Variants in KDM7A observed in about 807,000 individuals in gnomAD.
KDM7A encodes lysine demethylase 7A.
Under a neutral mutation model 114.8 loss-of-function variants are expected in KDM7A, and 28 were observed. The ratio of observed to expected loss-of-function variants is 0.24; its 90% confidence interval spans 0.18 to 0.33. The LOEUF (loss-of-function observed/expected upper bound fraction) is 0.33, where lower values mean the gene tolerates loss of function less well. KDM7A is among the 10% of genes least tolerant of loss of function. KDM7A has a pLI of 1.00. For synonymous variants in KDM7A, 423 were observed against 397.8 expected (o/e 1.06, Z -0.75); for missense variants, 942 against 1,142.5 (o/e 0.82, Z 2.53).
At position 140,088,014 on chromosome 7, in the gene KDM7A, A is replaced by C. The variant is rs1247497563; in HGVS notation, c.*3080T>G. ...TGGGCACACAGTAGATGTTTGATAA[A>C]TACCTGTTGATCCCATATAAATAAA... On this transcript the variant is annotated 3_prime_UTR_variant, in exon 20 of 20. Transcript: ENST00000397560. 1 of 152,148 alleles carries C rather than the reference A, an allele frequency of 6.6e-6. No individual in the cohort carries two copies. 9.4% of individuals were successfully genotyped at this position (152,148 alleles called of 1,614,324 possible).
At chr7:140,100,368 C>T (rs1818180669) in intron 12 of KDM7A, among the ~76,000 whole-genome samples, 1 of 152,082 alleles carries the variant, frequency 6.6e-6, no homozygotes, top group South Asian at 2.1e-4. Flanking sequence ...CTTGCTTCTT[C>T]CTGCTAAAGT....
intron 12 of KDM7A, 35 bp from the exon 13 acceptor site, chr7:140,100,058 A>C: frequency 6.2e-7 from 1 of 1,612,332 alleles, no homozygotes; most frequent in South Asian, 1.1e-5. Context: ...CTTACCATCC[A>C]CCCTCAGGTA....
At chr7:140,094,509 GAA>G (rs1286374125) in intron 17 of KDM7A, among the ~76,000 whole-genome samples, 1 of 145,776 alleles carries the variant, frequency 6.9e-6, no homozygotes, top group Non-Finnish European at 1.5e-5. Flanking sequence ...CATCTTGGGG[GAA>G]AAAAAAAAAA....
chr7:140,122,525 AT>A (rs1321258224), intron 7 of KDM7A, among the ~76,000 whole-genome samples: 52 of 152,214 alleles, frequency 3.4e-4, no homozygotes, highest in Non-Finnish European at 4.9e-4. Flanking sequence ...GCATGTCTTC[AT>A]TTATTCAACA....
intron 11 of KDM7A, among the ~76,000 whole-genome samples, chr7:140,102,589 T>C (rs896210757): frequency 5.9e-5 from 9 of 152,088 alleles, no homozygotes; most frequent in African/African-American, 2.2e-4. Flanking sequence ...CCCAGGCTGG[T>C]CTTGAACTCC....
At chr7:140,166,038 A>T (rs1405436853) in intron 1 of KDM7A, among the ~76,000 whole-genome samples, 3 of 152,158 alleles carry the variant, frequency 2.0e-5, no homozygotes, top group African/African-American at 7.2e-5. Context: ...TACTGTTGTT[A>T]ATCTCTTACT....
intron 1 of KDM7A, among the ~76,000 whole-genome samples, chr7:140,169,515 A>G: frequency 6.6e-6 from 1 of 151,928 alleles, no homozygotes; most frequent in East Asian, 1.9e-4. Flanking sequence ...TATACCCCAA[A>G]CTAATGGGGT....
intron 1 of KDM7A, among the ~76,000 whole-genome samples, chr7:140,142,747 T>C (rs1394250789): frequency 6.6e-6 from 1 of 152,162 alleles, no homozygotes; most frequent in Non-Finnish European, 1.5e-5. Context: ...GCAAATCCTC[T>C]TTTAGGTAAA....
rs761187862 is a variant in KDM7A, at chr7:140,133,533, C to T, written c.398+6G>A. 7 of 1,482,878 alleles carry T rather than the reference C, an allele frequency of 4.7e-6. No individual in the cohort carries two copies. The highest frequency in any genetic ancestry group is 5.6e-6 in the Non-Finnish European group (6 of 1,063,270). The allele number at this position is 1,482,878 out of a possible 1,614,324, so 91.9% of individuals were successfully genotyped here. ...CATTTTCTTTTATCAGAGTAAGTTT[C>T]CATACCTTGGGAAGACTCGAGAGCG... On this transcript the variant is annotated splice_donor_region_variant and intron_variant, in intron 3 of 19. Transcript: ENST00000397560.
chr7:140,160,050 T>C (rs901598602), intron 1 of KDM7A, among the ~76,000 whole-genome samples: 1 of 152,170 alleles, frequency 6.6e-6, no homozygotes, highest in African/African-American at 2.4e-5. Flanking sequence ...TAGATAATAT[T>C]TTTTATTTCA....
In KDM7A at chr7:140,176,209, A is replaced by AAGGGGGCGCGACAGGGACCCGCGGCGCGG. The variant is rs1163986007; in HGVS notation, c.194+506_194+534dup. ...CCCAGGAAGTTTGATAAAGACGGGG[A>AAGGGGGCGCGACAGGGACCCGCGGCGCGG]AGGGGGCGCGACAGGGACCCGCGGC... On this transcript the variant is annotated intron_variant, in intron 1 of 19. Transcript: ENST00000397560. The surrounding 1 kb of genome is among the most constrained non-coding windows in gnomAD (Gnocchi z 4.4). Among the ~76,000 whole-genome samples the AAGGGGGCGCGACAGGGACCCGCGGCGCGG allele has an allele frequency of 1.3e-5, 2 of 151,622 alleles. No individual in the cohort carries two copies. The highest frequency in any genetic ancestry group is 2.9e-5 in the Non-Finnish European group (2 of 67,842).
At chr7:140,113,837 G>C (rs1457805491) in intron 9 of KDM7A, among the ~76,000 whole-genome samples, 1 of 152,096 alleles carries the variant, frequency 6.6e-6, no homozygotes, top group Non-Finnish European at 1.5e-5. Context: ...GTAGAGATGG[G>C]GTCTCAGTAT....
At chr7:140,115,350 G>C (rs910179563) in intron 9 of KDM7A, among the ~76,000 whole-genome samples, 12 of 152,242 alleles carry the variant, frequency 7.9e-5, no homozygotes, top group African/African-American at 2.9e-4. Flanking sequence ...TTGTCCAATA[G>C]AAAAGGGGAA....
At chr7:140,142,210 T>C (rs932039990) in intron 1 of KDM7A, among the ~76,000 whole-genome samples, 1 of 151,210 alleles carries the variant, frequency 6.6e-6, no homozygotes, top group Non-Finnish European at 1.5e-5. Context: ...AATATCTTTA[T>C]GACTTTATGA....
At chr7:140,100,705 T>C (rs1333091161) in intron 12 of KDM7A, among the ~76,000 whole-genome samples, 6 of 38,366 alleles carry the variant, frequency 1.6e-4, no homozygotes, top group Non-Finnish European at 2.4e-4. Flanking sequence ...TATATATATA[T>C]ATACACATAT....
At position 140,097,631 on chromosome 7, in the gene KDM7A, G is replaced by A. The variant is rs6950119; in HGVS notation, c.1930C>T (p.Arg644Cys). ...CTACTCCTGAGTTCTGATTTCACACGTGTAAAAAACCCTGAAAAAGAATGA... is the reference window on the plus strand; with the variant it reads ...CTACTCCTGAGTTCTGATTTCACACATGTAAAAAACCCTGAAAAAGAATGA... The part of the protein sequence containing the change: ...SQKPLNGFFT[R>C]VKSELRSRSS... The change falls in exon 15 of 20, where the codon CGT becomes TGT. Residue 644 changes from arginine to cysteine, a missense_variant. Physicochemically the swap from Arg to Cys is radical, Grantham distance 180 (BLOSUM62 -3). Transcript: ENST00000397560. 6.2e-4 allele frequency: 971 copies of A among 1,574,842 alleles called. 8 individuals are homozygous for A. The African/African-American group carries it at 0.01, about 16-fold the overall frequency.
In KDM7A at chr7:140,102,177, C is replaced by T; in HGVS notation, c.1429-17G>A. 1 of 1,574,438 alleles carries T rather than the reference C, an allele frequency of 6.4e-7. No individual in the cohort carries two copies. Among genetic ancestry groups the T allele is most frequent in the Non-Finnish European group, 8.7e-7 (1 of 1,144,138 alleles). On this transcript the variant is annotated splice_polypyrimidine_tract_variant and intron_variant, in intron 11 of 19. Coordinates refer to ENST00000397560, the MANE Select transcript of KDM7A (RefSeq NM_030647.2). ...GTTTTCCTCCTTTAAGAATTAAAAT[C>T]AGAGTATTTTTATAAGAAGGCTGTT...
At chr7:140,111,031 T>G (rs748916509) in intron 11 of KDM7A, 64 bp downstream of exon 11, 7 of 872,952 alleles carry the variant, frequency 8.0e-6, no homozygotes, top group Non-Finnish European at 1.3e-5. Context: ...GAGAGTGGAA[T>G]AGATCCATTT....
chr7:140,126,294 G>C (rs2116801050), intron 6 of KDM7A, among the ~76,000 whole-genome samples: 1 of 152,092 alleles, frequency 6.6e-6, no homozygotes, highest in East Asian at 1.9e-4. Flanking sequence ...AATTATTACT[G>C]TAATTTTGCT....
Sources: allele counts gnomAD v4.1 joint callset (sites outside exome capture counted in the v4.1 genomes callset), GRCh38; gene constraint gnomAD v4.1.1; non-coding constraint Gnocchi (gnomAD v3.1); transcripts MANE v1.5; gene names NCBI Gene and HGNC (gene_info 2026-07-23, HGNC 2026-07-21).